PLEKHG1: variants seen among roughly 807,000 people sequenced by gnomAD.
PLEKHG1 encodes the protein pleckstrin homology and RhoGEF domain containing G1.
Under a neutral mutation model 100.8 loss-of-function variants are expected in PLEKHG1, and 44 were observed. That is an observed-to-expected ratio of 0.44 (90% CI 0.34 to 0.56). The LOEUF is 0.56. Ranked by LOEUF, PLEKHG1 falls within the 20% of genes least tolerant of loss-of-function variation. The pLI is 0.01. For missense variants in PLEKHG1, 1,545 were observed against 1,720.9 expected, an observed-to-expected ratio of 0.90 and a Z score of 1.81; for synonymous variants, 640 against 662.5, an observed-to-expected ratio of 0.97 and a Z score of 0.52.
chr6:150,705,843 G>A (rs561748407), intron 3 of PLEKHG1, among the ~76,000 whole-genome samples: 1 of 152,166 alleles, frequency 6.6e-6, no homozygotes, highest in African/African-American at 2.4e-5. Flanking sequence ...TATCTCTGGG[G>A]TTCAGAAAGA....
In PLEKHG1 at chr6:150,728,465, C is replaced by T. The variant is rs139525987; in HGVS notation, c.-98-5119C>T. On this transcript the variant is annotated intron_variant, in intron 1 of 15. Coordinates refer to ENST00000358517, the Ensembl canonical transcript of PLEKHG1. ...AAATAAAATTAGCTTGGTATGGTGGCGTGGTCCCAGCTATTTGGGAGGCTG... is the reference window on the plus strand; with the variant it reads ...AAATAAAATTAGCTTGGTATGGTGGTGTGGTCCCAGCTATTTGGGAGGCTG... 6.6e-4 allele frequency among the ~76,000 whole-genome samples: 100 copies of T among 151,920 alleles called. 1 individual carries two copies. The East Asian group carries it at 0.015, about 23-fold the overall frequency.
intron 2 of PLEKHG1, among the ~76,000 whole-genome samples, chr6:150,642,318 A>G (rs1317366792): frequency 6.6e-6 from 1 of 152,232 alleles, no homozygotes; most frequent in African/African-American, 2.4e-5. Flanking sequence ...ACTCTATAAA[A>G]GGTGGTGCTT....
At chr6:150,735,959 G>A (rs539535507) in intron 2 of PLEKHG1, among the ~76,000 whole-genome samples, 1 of 152,222 alleles carries the variant, frequency 6.6e-6, no homozygotes, top group Non-Finnish European at 1.5e-5. Context: ...TTCAATGTAA[G>A]TTCTATGTGA....
chr6:150,606,469 GCT>G lies in PLEKHG1; in HGVS notation c.-204+6455_-204+6456del, dbSNP rs962719930. On this transcript the variant is annotated intron_variant, in intron 1 of 3. Transcript: ENST00000367326. ...TCCATTTAGATCCAACCCCTTCCCA[GCT>G]CTGGCAAGCCTCCAGCTTTTCACAC... Among the ~76,000 whole-genome samples, 12 of 152,262 alleles carry G rather than the reference GCT, an allele frequency of 7.9e-5. No homozygotes were observed. The East Asian group carries it at 2.3e-3, about 29-fold the overall frequency.
chr6:150,820,970 T>C (rs1776260858), intron 12 of PLEKHG1, among the ~76,000 whole-genome samples: 1 of 152,204 alleles, frequency 6.6e-6, no homozygotes, highest in Non-Finnish European at 1.5e-5. Context: ...TTTGCTTTTC[T>C]GTTGGGTGAC....
intron 3 of PLEKHG1, among the ~76,000 whole-genome samples, chr6:150,659,909 G>A (rs192530074): frequency 6.6e-6 from 1 of 152,240 alleles, no homozygotes. Flanking sequence ...ACACAGTCTG[G>A]TGCCTTACAT....
exon 16 of PLEKHG1, chr6:150,839,881 G>A (rs1777423290): frequency 1.2e-6 from 2 of 1,613,910 alleles, no homozygotes; most frequent in African/African-American, 2.7e-5. Flanking sequence ...ATTGTATTCA[G>A]AGAGTCTCCC....
At chr6:150,756,587 G>T (rs181675084) in intron 2 of PLEKHG1, among the ~76,000 whole-genome samples, 2 of 152,082 alleles carry the variant, frequency 1.3e-5, no homozygotes, top group African/African-American at 4.8e-5. Context: ...ATTGCATCGC[G>T]ACTTTCAAGT....
At chr6:150,696,363 C>T (rs796129929) in intron 3 of PLEKHG1, among the ~76,000 whole-genome samples, 3 of 152,260 alleles carry the variant, frequency 2.0e-5, no homozygotes, top group South Asian at 4.2e-4. Context: ...GGGCCTGCAG[C>T]GATGGCAGCC....
intron 3 of PLEKHG1, among the ~76,000 whole-genome samples, chr6:150,710,027 T>A (rs1241038798): frequency 6.6e-6 from 1 of 152,146 alleles, no homozygotes; most frequent in East Asian, 1.9e-4. Context: ...TATTATTAAA[T>A]TACTAGGCTG....
intron 4 of PLEKHG1, 135 bp from the exon 6 acceptor site, chr6:150,795,721 T>TAA: frequency 8.5e-4 from 251 of 294,620 alleles, no homozygotes; most frequent in South Asian, 1.2e-3. Context: ...AAACTCCGCC[T>TAA]AAAAAAAAAA....
chr6:150,730,109 T>C (rs938988246), intron 1 of PLEKHG1, among the ~76,000 whole-genome samples: 3 of 152,142 alleles, frequency 2.0e-5, no homozygotes, highest in African/African-American at 7.2e-5. Context: ...GTCCTGATCA[T>C]CAATGTAGTG....
At chr6:150,634,270 A>G (rs545151596) in intron 1 of PLEKHG1, among the ~76,000 whole-genome samples, 5 of 149,832 alleles carry the variant, frequency 3.3e-5, no homozygotes, top group African/African-American at 1.3e-4. Context: ...AAAGAAAAAA[A>G]GAGGAAGAAG....
At chr6:150,631,618 A>G (rs1431366703) in intron 1 of PLEKHG1, among the ~76,000 whole-genome samples, 7 of 152,338 alleles carry the variant, frequency 4.6e-5, no homozygotes, top group Non-Finnish European at 1.5e-5. Flanking sequence ...TTGCAGTAAG[A>G]CTTGTAGGAA....
intron 5 of PLEKHG1, among the ~76,000 whole-genome samples, chr6:150,796,929 T>C (rs1441701175): frequency 6.6e-6 from 1 of 152,182 alleles, no homozygotes; most frequent in Non-Finnish European, 1.5e-5. Flanking sequence ...TCCCCCTGCC[T>C]TTTTATTTTC....
At chr6:150,787,834 A>G (rs1215313944) in intron 4 of PLEKHG1, among the ~76,000 whole-genome samples, 2 of 152,228 alleles carry the variant, frequency 1.3e-5, no homozygotes, top group Non-Finnish European at 2.9e-5. Context: ...TCACATGTAA[A>G]GTGTGCACAC....
At chr6:150,705,282 C>T (rs1221843915) in intron 3 of PLEKHG1, among the ~76,000 whole-genome samples, 7 of 152,350 alleles carry the variant, frequency 4.6e-5, no homozygotes, top group Middle Eastern at 3.4e-3. Flanking sequence ...GATATGCCAT[C>T]GGAACACTCA....
intron 3 of PLEKHG1, among the ~76,000 whole-genome samples, chr6:150,701,417 T>TTCTATA (rs1261404373): frequency 3.2e-5 from 1 of 31,156 alleles, no homozygotes; most frequent in Non-Finnish European, 5.5e-5. Flanking sequence ...CAGTAATTCT[T>TTCTATA]TATATATATA....
At chr6:150,690,398 A>T (rs1187853085) in intron 3 of PLEKHG1, among the ~76,000 whole-genome samples, 1 of 151,638 alleles carries the variant, frequency 6.6e-6, no homozygotes, top group Non-Finnish European at 1.5e-5. Context: ...GACAGCAGTC[A>T]ACCGAAACAG....
Sources: gnomAD v4.1 joint callset for allele counts (sites outside exome capture counted in the v4.1 genomes callset) on GRCh38, gnomAD v4.1.1 for gene constraint, MANE v1.5 for transcripts, NCBI Gene and HGNC (gene_info 2026-07-23, HGNC 2026-07-21) for gene names.